USP42: variants seen among roughly 807,000 people sequenced by gnomAD.
The protein encoded by USP42 is ubiquitin carboxyl-terminal hydrolase 42.
Under a neutral mutation model 113.0 loss-of-function variants are expected in USP42, and 23 were observed. The observed-to-expected ratio is 0.20, with a 90% CI of 0.15 to 0.29. The LOEUF is 0.29. USP42 is among the 10% of genes least tolerant of loss of function. USP42 has a pLI of 1.00. For synonymous variants in USP42, 933 were observed against 699.0 expected, an observed-to-expected ratio of 1.33 and a Z score of -5.28; for missense variants, 2,174 against 1,779.8, an observed-to-expected ratio of 1.22 and a Z score of -3.99.
rs751480553 is a variant in USP42, at chr7:6,154,588, C to T, written c.3034C>T (p.Arg1012Cys). 10 of 1,571,184 alleles carry T rather than the reference C, an allele frequency of 6.4e-6. No homozygotes were observed. Among genetic ancestry groups the T allele is most frequent in the Non-Finnish European group, 8.6e-6 (10 of 1,160,840 alleles). ...CGACAGGCTCAGCCCTGGCGAGCGC[C>T]GCTCTCTGGGCAGGTGCAGTCACCA... is the stretch of plus-strand genomic sequence containing the variant. ...HGDRLSPGER[R>C]SLGRCSHHHS... Residue 1012 changes from arginine (R) to cysteine (C), a missense_variant, in exon 15 of 18, where the codon CGC becomes TGC. Coordinates refer to ENST00000306177, the MANE Select transcript of USP42 (RefSeq NM_032172.3).
intron 3 of USP42, among the ~76,000 whole-genome samples, chr7:6,117,625 T>C (rs1010274057): frequency 6.6e-6 from 1 of 152,326 alleles, no homozygotes; most frequent in East Asian, 1.9e-4. Flanking sequence ...TTCCAGACTT[T>C]CCAGAAGGGA....
chr7:6,113,079 A>G (rs1328256595), intron 2 of USP42, among the ~76,000 whole-genome samples: 1 of 151,138 alleles, frequency 6.6e-6, no homozygotes, highest in Non-Finnish European at 1.5e-5. Context: ...ACATTTTTGT[A>G]TTTTTAGTAG....
chr7:6,117,793 A>G (rs1157283555), intron 3 of USP42, among the ~76,000 whole-genome samples: 1 of 152,010 alleles, frequency 6.6e-6, no homozygotes, highest in Non-Finnish European at 1.5e-5. Context: ...TACTTTCATA[A>G]TGAATAATGC....
rs1782657326 is a variant in USP42, at chr7:6,159,604, G to A, written c.*36+111G>A. ...CCTGGGGGCTGGGCTCATAGGAGTTGGCAGAGCCATGGAGAGGCCCCGGCA... is the reference window on the plus strand; with the variant it reads ...CCTGGGGGCTGGGCTCATAGGAGTTAGCAGAGCCATGGAGAGGCCCCGGCA... On this transcript the variant is annotated intron_variant, in intron 17 of 17. Coordinates refer to ENST00000306177, the MANE Select transcript of USP42 (RefSeq NM_032172.3). The surrounding 1 kb of genome is among the most constrained non-coding windows in gnomAD (Gnocchi z 4.1). The A allele has an allele frequency of 8.5e-7, 1 of 1,172,008 alleles. No individual in the cohort carries two copies. Among genetic ancestry groups the A allele is most frequent in the Admixed American group, 2.3e-5 (1 of 44,192 alleles). 72.6% of individuals were successfully genotyped at this position (1,172,008 alleles called of 1,614,324 possible).
At chr7:6,107,787 A>G (rs1305361705) in intron 1 of USP42, among the ~76,000 whole-genome samples, 2 of 152,146 alleles carry the variant, frequency 1.3e-5, no homozygotes, top group Non-Finnish European at 2.9e-5. Flanking sequence ...TAGATGAGGA[A>G]AAATGTAAAC....
At chr7:6,115,989 G>C (rs898107482) in intron 3 of USP42, among the ~76,000 whole-genome samples, 2 of 151,698 alleles carry the variant, frequency 1.3e-5, no homozygotes, top group Non-Finnish European at 2.9e-5. Flanking sequence ...TCTAGTCCCA[G>C]CATACTCAGG....
In USP42 at chr7:6,140,927, T is replaced by C. The variant is rs1390604977; in HGVS notation, c.738T>C (p.Asn246=). The change falls in exon 7 of 18, where the codon AAT becomes AAC. Residue 246 remains asparagine (N), a synonymous_variant. Transcript: ENST00000306177. ...GYLRSRVKCL[N]CKGVSDTFDP... ...TTTTTATTTCAGTCAAATGTTTAAA[T>C]TGCAAGGGCGTTTCAGATACTTTTG... is the stretch of plus-strand genomic sequence containing the variant. The C allele has an allele frequency of 7.1e-6, 11 of 1,557,126 alleles. No homozygotes were observed. The highest frequency in any genetic ancestry group is 2.7e-5 in the African/African-American group (2 of 73,182).
chr7:6,100,257 C>A (rs1790078752), upstream of USP42, among the ~76,000 whole-genome samples: 1 of 150,800 alleles, frequency 6.6e-6, no homozygotes, highest in Admixed American at 6.6e-5. Context: ...TAACTAGTCC[C>A]CCTAGATGGG....
At position 6,159,765 on chromosome 7, in the gene USP42, C is replaced by T. The variant is rs949278517; in HGVS notation, c.*36+272C>T. On this transcript the variant is annotated intron_variant, in intron 17 of 17. Transcript: ENST00000306177. This position sits in a 1 kb window ranked among gnomAD's most constrained non-coding sequence, Gnocchi z 4.1. ...AGAGTCGCCCTGTTCCCTTGTGCCTCACTTGGGAAAAGCCAACCCGGCTCA... is the reference window on the plus strand; with the variant it reads ...AGAGTCGCCCTGTTCCCTTGTGCCTTACTTGGGAAAAGCCAACCCGGCTCA... Among the ~76,000 whole-genome samples, 7 of 152,274 alleles carry T rather than the reference C, an allele frequency of 4.6e-5. No homozygotes were observed. The highest frequency in any genetic ancestry group is 1.7e-4 in the African/African-American group (7 of 41,474).
chr7:6,094,314 C>T, the USP42 span, among the ~76,000 whole-genome samples: 1 of 151,234 alleles, frequency 6.6e-6, no homozygotes, highest in Non-Finnish European at 1.5e-5. Flanking sequence ...GCTGGGACTA[C>T]AGGCATGCAC....
intron 2 of USP42, among the ~76,000 whole-genome samples, chr7:6,114,524 T>A (rs1001743900): frequency 4.0e-5 from 6 of 151,076 alleles, no homozygotes; most frequent in African/African-American, 1.5e-4. Flanking sequence ...TCTAAAGAGT[T>A]TTTTCTAAAA....
chr7:6,160,976 C>G lies in USP42; in HGVS notation c.*458C>G, dbSNP rs1386068112. On this transcript the variant is annotated 3_prime_UTR_variant, in exon 18 of 18. Coordinates refer to ENST00000306177, the MANE Select transcript of USP42 (RefSeq NM_032172.3). ...AGACTTATTTAAAAACTCACAAGCT[C>G]TCACCTAGACTTTGGAGAGCAGTCT... 6.6e-6 allele frequency: 1 copy of G among 152,644 alleles called. No individual in the cohort carries two copies. The highest frequency in any genetic ancestry group is 1.5e-5 in the Non-Finnish European group (1 of 68,048). 9.5% of individuals were successfully genotyped at this position (152,644 alleles called of 1,614,324 possible).
the USP42 span, among the ~76,000 whole-genome samples, chr7:6,096,932 CT>C: frequency 9.2e-5 from 13 of 142,028 alleles, no homozygotes; most frequent in South Asian, 2.2e-4. Context: ...TCTTTCTTTT[CT>C]TTTTTTTTTT....
At chr7:6,090,057 T>C in the USP42 span, among the ~76,000 whole-genome samples, 1 of 146,142 alleles carries the variant, frequency 6.8e-6, no homozygotes, top group Non-Finnish European at 1.5e-5. Flanking sequence ...CCCAGCACTT[T>C]GGGAGGTCAA....
Position 6,111,335 on chromosome 7 carries a change from G to C in USP42, c.202G>C (p.Val68Leu). ...TGCTGTAGTTTATTCGAGTTCATCT[G>C]TACCTGATAAATCAAAACCATCACC... is the stretch of plus-strand genomic sequence containing the variant. ...PGAVVYSSSS[V>L]PDKSKPSPQK... The change falls in exon 2 of 18, where the codon GTA becomes CTA. Residue 68 changes from valine (V) to leucine (L), a missense_variant. Physicochemically the swap from Val to Leu is conservative, Grantham distance 32. Transcript: ENST00000306177. 6.2e-7 allele frequency: 1 copy of C among 1,610,984 alleles called. No individual in the cohort carries two copies. Among genetic ancestry groups the C allele is most frequent in the Non-Finnish European group, 8.5e-7 (1 of 1,178,430 alleles).
chr7:6,111,008 G>A, intron 1 of USP42, 117 bp from the exon 2 acceptor site: 1 of 1,002,584 alleles, frequency 1.0e-6, no homozygotes, highest in Non-Finnish European at 1.4e-6. Context: ...ATATTTGAGT[G>A]ATGTGTTTGA....
intron 12 of USP42, 103 bp from the exon 13 acceptor site, chr7:6,149,480 A>AG: frequency 7.1e-7 from 1 of 1,407,394 alleles, no homozygotes; most frequent in Non-Finnish European, 9.5e-7. Flanking sequence ...TAGTCCTGAA[A>AG]AAAAAAAAAA....
intron 7 of USP42, among the ~76,000 whole-genome samples, chr7:6,142,674 G>A (rs376858924): frequency 6.6e-5 from 10 of 152,106 alleles, no homozygotes; most frequent in South Asian, 2.1e-4. Flanking sequence ...CTTGAGCCCA[G>A]GAGTTTGAGA....
At chr7:6,148,645 A>G (rs527814862) in intron 12 of USP42, among the ~76,000 whole-genome samples, 2 of 152,334 alleles carry the variant, frequency 1.3e-5, no homozygotes, top group East Asian at 3.9e-4. Context: ...GTAGTGAGCT[A>G]GTGTCACAAG....
Sources: gnomAD v4.1 joint callset for allele counts (sites outside exome capture counted in the v4.1 genomes callset) on GRCh38, gnomAD v4.1.1 for gene constraint, Gnocchi (gnomAD v3.1) non-coding constraint, MANE v1.5 for transcripts, NCBI Gene and HGNC (gene_info 2026-07-23, HGNC 2026-07-21) for gene names.